NELL1: variants seen among roughly 807,000 people sequenced by gnomAD.
NELL1 encodes the protein neural EGFL like 1.
Under a neutral mutation model 107.4 loss-of-function variants are expected in NELL1, and 76 were observed. That is an observed-to-expected ratio of 0.71 (90% confidence interval 0.59 to 0.86). The LOEUF (loss-of-function observed/expected upper bound fraction) is 0.86. Among genes scored for constraint, NELL1 ranks in the 40% least tolerant of loss-of-function variants. The pLI, the probability that NELL1 is intolerant of heterozygous loss-of-function variation, is 0.00. For missense variants in NELL1, 1,024 were observed against 1,005.5 expected (o/e 1.02, Z -0.25); for synonymous variants, 353 against 341.2 (o/e 1.03, Z -0.38).
intron 14 of NELL1, among the ~76,000 whole-genome samples, chr11:21,331,547 T>C (rs746357256): frequency 2.6e-5 from 4 of 152,132 alleles, no homozygotes; most frequent in Non-Finnish European, 5.9e-5. Context: ...TTCCCTTCTT[T>C]GGTCTTGCTG....
intron 2 of NELL1, among the ~76,000 whole-genome samples, chr11:20,752,408 G>A (rs1856161404): frequency 6.6e-6 from 1 of 152,176 alleles, no homozygotes; most frequent in Admixed American, 6.5e-5. Context: ...AATTAGCTGG[G>A]CGTGGTGGTG....
chr11:20,927,516 G>A, intron 8 of NELL1, 74 bp downstream of exon 8: 2 of 1,392,670 alleles, frequency 1.4e-6, no homozygotes, highest in Non-Finnish European at 2.0e-6. Context: ...GTGTAACCTG[G>A]TTCTTTAATA....
chr11:21,018,597 T>C (rs1294748611), intron 12 of NELL1, among the ~76,000 whole-genome samples: 1 of 152,092 alleles, frequency 6.6e-6, no homozygotes, highest in Non-Finnish European at 1.5e-5. Flanking sequence ...TTGTCACTGC[T>C]GTTTCTTTCA....
intron 13 of NELL1, among the ~76,000 whole-genome samples, chr11:21,161,632 G>A (rs1397225949): frequency 6.6e-6 from 1 of 152,140 alleles, no homozygotes; most frequent in Non-Finnish European, 1.5e-5. Context: ...AATTATATGT[G>A]TGTGTATAAT....
At chr11:20,804,295 G>A (rs1357993778) in intron 3 of NELL1, among the ~76,000 whole-genome samples, 1 of 152,126 alleles carries the variant, frequency 6.6e-6, no homozygotes, top group East Asian at 1.9e-4. Context: ...GAGTGCAGTG[G>A]TGCGATTTCA....
intron 15 of NELL1, among the ~76,000 whole-genome samples, chr11:21,413,742 AT>A (rs1852435502): frequency 6.6e-6 from 1 of 152,024 alleles, no homozygotes; most frequent in African/African-American, 2.4e-5. Flanking sequence ...TAGCAAAGCA[AT>A]TTCTCTGATG....
intron 12 of NELL1, among the ~76,000 whole-genome samples, chr11:21,026,320 G>A (rs986519721): frequency 1.6e-4 from 24 of 152,026 alleles, no homozygotes; most frequent in African/African-American, 5.6e-4. Context: ...CTCCATGCTG[G>A]CCTCTGTGCT....
At chr11:21,262,543 C>T (rs1035783298) in intron 14 of NELL1, 1 of 151,928 alleles carries the variant, frequency 6.6e-6, no homozygotes, top group Non-Finnish European at 1.5e-5. Context: ...TATACCTTCA[C>T]TCTTGACTGG....
chr11:21,471,645 A>G (rs1590958080), intron 15 of NELL1, among the ~76,000 whole-genome samples: 1 of 152,106 alleles, frequency 6.6e-6, no homozygotes, highest in Admixed American at 6.6e-5. Flanking sequence ...GTGATGAAGT[A>G]GTGCCACTTC....
intron 13 of NELL1, among the ~76,000 whole-genome samples, chr11:21,142,903 C>T (rs1170128885): frequency 1.3e-5 from 2 of 152,174 alleles, no homozygotes; most frequent in Admixed American, 6.5e-5. Flanking sequence ...GAAACAGACG[C>T]ACGGTATGGC....
chr11:21,520,228 G>A (rs193269660), intron 15 of NELL1, among the ~76,000 whole-genome samples: 5 of 152,114 alleles, frequency 3.3e-5, no homozygotes, highest in African/African-American at 1.2e-4. Context: ...ATCCTAGTAA[G>A]GGCATTCCAA....
intron 15 of NELL1, among the ~76,000 whole-genome samples, chr11:21,399,879 C>T (rs992201022): frequency 1.3e-5 from 2 of 151,702 alleles, no homozygotes; most frequent in African/African-American, 2.4e-5. Flanking sequence ...TTGATAAGAA[C>T]GCTGATGTTA....
At chr11:21,459,273 G>T (rs1319734314) in intron 15 of NELL1, among the ~76,000 whole-genome samples, 2 of 147,272 alleles carry the variant, frequency 1.4e-5, no homozygotes, top group Non-Finnish European at 3.0e-5. Context: ...AAAACCATGT[G>T]CTATAAATGA....
intron 12 of NELL1, among the ~76,000 whole-genome samples, chr11:21,034,539 A>T (rs765838120): frequency 6.6e-6 from 1 of 152,206 alleles, no homozygotes; most frequent in Non-Finnish European, 1.5e-5. Context: ...TGAAATCATA[A>T]CAAACAATCT....
chr11:21,314,011 C>T (rs1197557698), intron 14 of NELL1, among the ~76,000 whole-genome samples: 3 of 106,530 alleles, frequency 2.8e-5, no homozygotes, highest in African/African-American at 3.9e-5. Context: ...CCCCCCCCCG[C>T]GACCCCCACT....
At chr11:20,885,628 C>A in intron 5 of NELL1, 88 bp downstream of exon 5, 2 of 827,094 alleles carry the variant, frequency 2.4e-6, no homozygotes, top group Non-Finnish European at 4.1e-6. Flanking sequence ...TTTATAATTA[C>A]ATTAGTGGGA....
At chr11:21,034,597 C>T (rs1197499757) in intron 12 of NELL1, among the ~76,000 whole-genome samples, 1 of 152,150 alleles carries the variant, frequency 6.6e-6, no homozygotes, top group Non-Finnish European at 1.5e-5. Context: ...ATGAAATTTA[C>T]TCAAAACCAT....
At chr11:21,137,581 T>C (rs1309243666) in intron 13 of NELL1, among the ~76,000 whole-genome samples, 1 of 152,142 alleles carries the variant, frequency 6.6e-6, no homozygotes, top group Non-Finnish European at 1.5e-5. Flanking sequence ...TAGAAAGAAT[T>C]GGAGAAAAAC....
At chr11:21,163,676 A>C (rs1856420915) in intron 13 of NELL1, among the ~76,000 whole-genome samples, 1 of 152,126 alleles carries the variant, frequency 6.6e-6, no homozygotes, top group Non-Finnish European at 1.5e-5. Context: ...GTCCATGATA[A>C]AGCTGCCAGC....
Sources: gnomAD v4.1 joint callset for allele counts (sites outside exome capture counted in the v4.1 genomes callset) on GRCh38, gnomAD v4.1.1 for gene constraint, MANE v1.5 for transcripts, NCBI Gene and HGNC (gene_info 2026-07-23, HGNC 2026-07-21) for gene names.